The following LGI3 variants were observed in gnomAD, a reference collection of about 807,000 sequenced individuals.
LGI3 encodes the protein leucine-rich repeat LGI family member 3.
In LGI3, 47 loss-of-function variants were observed where a neutral mutation model predicts 55.4. The observed-to-expected ratio is 0.85, with a 90% CI of 0.67 to 1.08. The LOEUF (loss-of-function observed/expected upper bound fraction) is 1.08, where lower values mean the gene tolerates loss of function less well. LGI3 is among the 50% of genes least tolerant of loss of function. The probability of loss-of-function intolerance (pLI) is 0.00; values close to 1 mark genes in which losing one functional copy is unlikely to be tolerated. For synonymous variants in LGI3, 326 were observed against 315.0 expected, an observed-to-expected ratio of 1.04 and a Z score of -0.37; for missense variants, 664 against 726.3, an observed-to-expected ratio of 0.91 and a Z score of 0.99.
rs1297114202 is a variant in LGI3 at position 22,146,867 on chromosome 8, C to T, written c.*1293G>A. ...AACTTTTTATTTGAAGCAAGTTAAT[C>T]ATAGCATTGCCCCCCAGTACCCTGG... On this transcript the variant is annotated 3_prime_UTR_variant, in exon 8 of 8. Transcript: ENST00000306317. The T allele has an allele frequency of 6.6e-6, 1 of 152,284 alleles. No homozygotes were observed. Among genetic ancestry groups the T allele is most frequent in the Non-Finnish European group, 1.5e-5 (1 of 68,062 alleles). The allele number at this position is 152,284 out of a possible 1,614,324, so 9.4% of individuals were successfully genotyped here.
In LGI3 at chr8:22,154,372, G is replaced by A. The variant is rs1446719182; in HGVS notation, c.351-159C>T. 3.8e-6 allele frequency: 3 copies of A among 781,908 alleles called. No homozygotes were observed. The African/African-American group carries it at 5.1e-5, about 13-fold the overall frequency. The allele number at this position is 781,908 out of a possible 1,614,324, so 48.4% of individuals were successfully genotyped here. A position where few individuals can be genotyped will look rare whatever the true frequency, so the allele number is the denominator to read the frequency against. ...GCCATAGAGATAGAGCATCAGGTAG[G>A]GTAGAGGCAAAATGAATGAAACGAC... On this transcript the variant is annotated intron_variant, in intron 3 of 7. Coordinates refer to ENST00000306317, the MANE Select transcript of LGI3 (RefSeq NM_139278.4).
At chr8:22,155,338 C>T (rs1451758861) in intron 2 of LGI3, 54 bp downstream of exon 2, 3 of 1,541,528 alleles carry the variant, frequency 1.9e-6, no homozygotes, top group East Asian at 2.2e-5. Context: ...CAGGATTTGT[C>T]CCCTGCTACC....
In LGI3 at chr8:22,156,488, C is replaced by T. The variant is rs758803482; in HGVS notation, c.55G>A (p.Ala19Thr). 2.3e-5 allele frequency: 32 copies of T among 1,419,524 alleles called. No homozygotes were observed. Among genetic ancestry groups the T allele is most frequent in the Admixed American group, 6.1e-5 (2 of 32,704 alleles). The allele number at this position is 1,419,524 out of a possible 1,614,324, so 87.9% of individuals were successfully genotyped here. Residue 19 changes from alanine (A) to threonine (T), a missense_variant, in exon 1 of 8, where the codon GCG becomes ACG. Ala to Thr is a moderately conservative substitution (Grantham distance 58). Transcript: ENST00000306317. ...TGCAGCATGAGGCAGAAGCCGAGCGCGGAGAGCGCCAGCAGCCCCGGCCCC... is the reference window on the plus strand; with the variant it reads ...TGCAGCATGAGGCAGAAGCCGAGCGTGGAGAGCGCCAGCAGCCCCGGCCCC... ...GPGPGLLALS[A>T]LGFCLMLQVS...
intron 2 of LGI3, chr8:22,155,102 C>A: frequency 2.0e-6 from 1 of 492,994 alleles, no homozygotes; most frequent in African/African-American, 1.9e-5. Flanking sequence ...GGCACTAGCC[C>A]AGGCTATCGC....
In LGI3 at chr8:22,147,483, G is replaced by C. The variant is rs1344290268; in HGVS notation, c.*677C>G. 4 of 152,604 alleles carry C rather than the reference G, an allele frequency of 2.6e-5. No individual in the cohort carries two copies. The highest frequency in any genetic ancestry group is 9.6e-5 in the African/African-American group (4 of 41,474). The allele number at this position is 152,604 out of a possible 1,614,324, so 9.5% of individuals were successfully genotyped here. A position where few individuals can be genotyped will look rare whatever the true frequency, so the allele number is the denominator to read the frequency against. ...ATTCTCATCCTTATCAGTTCCGGGGGGGGCACGCTGGGGGTGAGCAGAGGG... is the reference window on the plus strand; with the variant it reads ...ATTCTCATCCTTATCAGTTCCGGGGCGGGCACGCTGGGGGTGAGCAGAGGG... On this transcript the variant is annotated 3_prime_UTR_variant, in exon 8 of 8. Transcript: ENST00000306317.
Position 22,148,061 on chromosome 8 carries a change from G to T in LGI3, c.*99C>A. ...TGCGGATACAAGGGCATGAATGCAGGTTGGTCGCTTGTCTTCACACAGGCA... is the reference window on the plus strand; with the variant it reads ...TGCGGATACAAGGGCATGAATGCAGTTTGGTCGCTTGTCTTCACACAGGCA... On this transcript the variant is annotated 3_prime_UTR_variant, in exon 8 of 8. Coordinates refer to ENST00000306317, the MANE Select transcript of LGI3 (RefSeq NM_139278.4). The surrounding 1 kb of genome is among the most constrained non-coding windows in gnomAD (Gnocchi z 7.0). 1.0e-6 allele frequency: 1 copy of T among 991,004 alleles called. No individual in the cohort carries two copies. The highest frequency in any genetic ancestry group is 1.5e-6 in the Non-Finnish European group (1 of 666,800). 61.4% of individuals were successfully genotyped at this position (991,004 alleles called of 1,614,324 possible).
rs1367068654 is a variant in LGI3 at position 22,148,870 on chromosome 8, T to C, written c.937A>G (p.Thr313Ala). 9 of 1,614,140 alleles carry C rather than the reference T, an allele frequency of 5.6e-6. No individual in the cohort carries two copies. Among genetic ancestry groups the C allele is most frequent in the Non-Finnish European group, 6.8e-6 (8 of 1,180,020 alleles). Residue 313 changes from threonine to alanine, a missense_variant, in exon 8 of 8, where the codon ACG becomes GCG. By Grantham distance (58) the Thr-to-Ala change is moderately conservative (BLOSUM62 0). Transcript: ENST00000306317. The surrounding 1 kb of genome is among the most constrained non-coding windows in gnomAD (Gnocchi z 7.0). ...SYIYHWDPNT[T>A]RFTRLQDIDP... ...ATGTCTTGCAGCCTGGTGAAGCGCG[T>C]GGTGTTGGGATCCCAGTGGTAAATG...
At position 22,147,650 on chromosome 8, in the gene LGI3, C is replaced by T. The variant is rs146568027; in HGVS notation, c.*510G>A. On this transcript the variant is annotated 3_prime_UTR_variant, in exon 8 of 8. Transcript: ENST00000306317. ...CGTGTGAGTGTGTAATGAGTGTGTC[C>T]GTCCGCGTCCATGTGAGCATGCAGA... The T allele has an allele frequency of 0.016, 2,635 of 162,452 alleles. 80 individuals are homozygous for T. The highest frequency in any genetic ancestry group is 0.059 in the African/African-American group (2,464 of 41,588). 10.1% of individuals were successfully genotyped at this position (162,452 alleles called of 1,614,324 possible).
chr8:22,153,049 A>T (rs538269110), intron 5 of LGI3, among the ~76,000 whole-genome samples: 31 of 98,614 alleles, frequency 3.1e-4, no homozygotes, highest in South Asian at 3.1e-3. Flanking sequence ...GACTCTGTCT[A>T]AAAAAAAAAA....
Position 22,156,266 on chromosome 8 carries a change from C to T in LGI3, c.206+71G>A, listed in dbSNP as rs763678717. On this transcript the variant is annotated intron_variant, in intron 1 of 7. Coordinates refer to ENST00000306317, the MANE Select transcript of LGI3 (RefSeq NM_139278.4). ...CTGAAGAGGGGGAGCGGGGGTTCTC[C>T]TGTCCTCTCCCAGAGCTGTCCTCGG... is the stretch of plus-strand genomic sequence containing the variant. The T allele has an allele frequency of 8.1e-4, 1,240 of 1,522,698 alleles. 1 individual carries two copies. The highest frequency in any genetic ancestry group is 9.6e-4 in the Non-Finnish European group (1,071 of 1,115,928). 94.3% of individuals were successfully genotyped at this position (1,522,698 alleles called of 1,614,324 possible).
chr8:22,151,408 G>T, intron 7 of LGI3, 81 bp downstream of exon 7: 1 of 1,370,962 alleles, frequency 7.3e-7, no homozygotes, highest in Non-Finnish European at 1.0e-6. Flanking sequence ...CTACCTACAG[G>T]AACTCAATGG....
At chr8:22,154,709 G>T in intron 2 of LGI3, 78 bp from the exon 3 acceptor site, 1 of 1,137,886 alleles carries the variant, frequency 8.8e-7, no homozygotes, top group South Asian at 1.2e-5. Context: ...CCTCAGCCCT[G>T]GGCTTCCCCA....
In LGI3 at chr8:22,154,021, G is replaced by A. The variant is rs764104930; in HGVS notation, c.441C>T (p.Asn147=). The change falls in exon 5 of 8, where the codon AAC becomes AAT. Residue 147 remains asparagine, a synonymous_variant. Coordinates refer to ENST00000306317, the MANE Select transcript of LGI3 (RefSeq NM_139278.4). ...SLTHLSLANN[N]LQTLPRDIFR... is the part of the protein sequence containing the mutation. Reference sequence around the variant, plus strand: ...AGATGTCTCTGGGCAGTGTCTGCAGGTTATTGTTGGCCAGCGAGCTGCAAA... The same window carrying A: ...AGATGTCTCTGGGCAGTGTCTGCAGATTATTGTTGGCCAGCGAGCTGCAAA... 1 of 1,614,184 alleles carries A rather than the reference G, an allele frequency of 6.2e-7. No individual in the cohort carries two copies. The highest frequency in any genetic ancestry group is 8.5e-7 in the Non-Finnish European group (1 of 1,180,028).
chr8:22,153,948 A>G lies in LGI3; in HGVS notation c.494+20T>C. On this transcript the variant is annotated intron_variant, in intron 5 of 7. Coordinates refer to ENST00000306317, the MANE Select transcript of LGI3 (RefSeq NM_139278.4). Reference sequence around the variant, plus strand: ...GCGCCCTCTGCGGCACTGTTGGAAGAGGCAGGACTCAGGCCTTACAAGTCA... The same window carrying G: ...GCGCCCTCTGCGGCACTGTTGGAAGGGGCAGGACTCAGGCCTTACAAGTCA... 6.2e-7 allele frequency: 1 copy of G among 1,612,092 alleles called. No homozygotes were observed. Among genetic ancestry groups the G allele is most frequent in the Non-Finnish European group, 8.5e-7 (1 of 1,178,620 alleles).
chr8:22,154,837 G>A lies in LGI3; in HGVS notation c.279-206C>T, dbSNP rs544000619. ...CCAGAAGCTCCCAGGGTCCCTGTTG[G>A]ATCCTAAACATGGGCCAAGGCAGAG... On this transcript the variant is annotated intron_variant, in intron 2 of 7. Coordinates refer to ENST00000306317, the MANE Select transcript of LGI3 (RefSeq NM_139278.4). The A allele has an allele frequency of 2.7e-4, 157 of 575,382 alleles. 1 individual carries two copies. The highest frequency in any genetic ancestry group is 5.1e-4 in the Admixed American group (17 of 33,196). The allele number at this position is 575,382 out of a possible 1,614,324, so 35.6% of individuals were successfully genotyped here. A position where few individuals can be genotyped will look rare whatever the true frequency, so the allele number is the denominator to read the frequency against.
In LGI3 at chr8:22,150,351, ATTTTTT is replaced by A. The variant is rs61084616; in HGVS notation, c.829+1132_829+1137del. 5.6e-4 allele frequency among the ~76,000 whole-genome samples: 41 copies of A among 72,600 alleles called. 1 individual carries two copies. Among genetic ancestry groups the A allele is most frequent in the Non-Finnish European group, 8.0e-4 (33 of 41,068 alleles). 47.6% of individuals were successfully genotyped at this position (72,600 alleles called of 152,430 possible). A position where few individuals can be genotyped will look rare whatever the true frequency, so the allele number is the denominator to read the frequency against. ...CATCTTGTGTCAGTTTAAGCCTTCT[ATTTTTT>A]TTTTTTTTTTTTTTTTTTTGAGATG... On this transcript the variant is annotated intron_variant, in intron 7 of 7. Transcript: ENST00000306317.
chr8:22,155,801 G>A (rs1050831610), intron 1 of LGI3, among the ~76,000 whole-genome samples: 1 of 152,232 alleles, frequency 6.6e-6, no homozygotes, highest in Non-Finnish European at 1.5e-5. Context: ...GGGGGTGGGG[G>A]CTGGCATCCT....
At position 22,148,435 on chromosome 8, in the gene LGI3, C is replaced by G; in HGVS notation, c.1372G>C (p.Glu458Gln). The change falls in exon 8 of 8, where the codon GAG becomes CAG. Residue 458 changes from glutamate to glutamine, a missense_variant. Glu to Gln is a conservative substitution (Grantham distance 29). Coordinates refer to ENST00000306317, the MANE Select transcript of LGI3 (RefSeq NM_139278.4). This position sits in a 1 kb window ranked among gnomAD's most constrained non-coding sequence, Gnocchi z 7.0. ...ILRWEGTRFS[E>Q]VQALPSRGSL... ...CCCCGGGAGGGCAGGGCCTGCACCT[C>G]CGAGAAGCGGGTACCCTCCCAGCGC... is the stretch of plus-strand genomic sequence containing the variant. The G allele has an allele frequency of 6.2e-7, 1 of 1,612,182 alleles. No individual in the cohort carries two copies.
chr8:22,156,470 T>C lies in LGI3; in HGVS notation c.73A>G (p.Met25Val). 2 of 1,497,602 alleles carry C rather than the reference T, an allele frequency of 1.3e-6. No individual in the cohort carries two copies. Among genetic ancestry groups the C allele is most frequent in the Non-Finnish European group, 1.8e-6 (2 of 1,126,572 alleles). 92.8% of individuals were successfully genotyped at this position (1,497,602 alleles called of 1,614,324 possible). ...LALSALGFCL[M>V]LQVSAKRPPK... ...GGCCTCTTAGCGCTGACTTGCAGCA[T>C]GAGGCAGAAGCCGAGCGCGGAGAGC... The change falls in exon 1 of 8, where the codon ATG becomes GTG. Residue 25 changes from methionine to valine, a missense_variant. Met to Val is a conservative substitution (Grantham distance 21, BLOSUM62 1). Transcript: ENST00000306317.
Sources: allele counts gnomAD v4.1 joint callset (sites outside exome capture counted in the v4.1 genomes callset), GRCh38; gene constraint gnomAD v4.1.1; non-coding constraint Gnocchi (gnomAD v3.1); transcripts MANE v1.5; gene names NCBI Gene and HGNC (gene_info 2026-07-23, HGNC 2026-07-21).